Variants in ZFHX3 observed in about 807,000 individuals in gnomAD.
ZFHX3 encodes zinc finger homeobox protein 3.
In ZFHX3, 42 loss-of-function variants were observed where a neutral mutation model predicts 279.1. The observed-to-expected ratio is 0.15, with a 90% CI of 0.12 to 0.19. The LOEUF (loss-of-function observed/expected upper bound fraction) is 0.19. Among genes scored for constraint, ZFHX3 ranks in the 10% least tolerant of loss-of-function variants. The pLI, the probability that ZFHX3 is intolerant of heterozygous loss-of-function variation, is 1.00. For synonymous variants in ZFHX3, 2,293 were observed against 1,957.8 expected (o/e 1.17, Z -4.52); for missense variants, 4,981 against 4,754.0 (o/e 1.05, Z -1.40).
At chr16:73,230,527 A>T (rs1419046669) in intron 5 of ZFHX3, among the ~76,000 whole-genome samples, 1 of 152,190 alleles carries the variant, frequency 6.6e-6, no homozygotes, top group East Asian at 1.9e-4. Context: ...TTAGAACACC[A>T]TGCAAATGGA....
chr16:73,883,808 T>C (rs2030257769), intron 1 of ZFHX3, among the ~76,000 whole-genome samples: 1 of 152,008 alleles, frequency 6.6e-6, no homozygotes, highest in African/African-American at 2.4e-5. Context: ...GATGAGGTGG[T>C]CAAGTCAAGG....
intron 6 of ZFHX3, chr16:73,134,626 C>G (rs1010055157): frequency 2.0e-5 from 3 of 151,980 alleles, no homozygotes; most frequent in Admixed American, 1.3e-4. Flanking sequence ...TGCCCCACTG[C>G]ACCTGGCTCC....
intron 2 of ZFHX3, among the ~76,000 whole-genome samples, chr16:72,952,046 C>G (rs180929031): frequency 4.0e-4 from 61 of 152,276 alleles, no homozygotes; most frequent in African/African-American, 1.4e-3. Flanking sequence ...AGCTTAGGAG[C>G]TCAAGACCAG....
rs138131929 is a variant in ZFHX3 at position 72,957,986 on chromosome 16, C to T, written c.2160G>A (p.Thr720=). 488 of 1,614,030 alleles carry T rather than the reference C, an allele frequency of 3.0e-4. 2 individuals are homozygous for T. The highest frequency in any genetic ancestry group is 5.8e-4 in the Admixed American group (35 of 60,018). The change falls in exon 2 of 10, where the codon ACG becomes ACA. Residue 720 remains threonine, a synonymous_variant. Coordinates refer to ENST00000268489, the MANE Select transcript of ZFHX3 (RefSeq NM_006885.4). The stretch of plus-strand genomic sequence containing the variant: ...CGCAGCGGAAAGGCTTGTAACCACA[C>T]GTGTAGCTCTCGCCTCGTGCCAGCC... ...HPRLARGESY[T]CGYKPFRCEV...
chr16:73,465,329 G>GTAT (rs2143589568), intron 2 of ZFHX3, among the ~76,000 whole-genome samples: 1 of 152,354 alleles, frequency 6.6e-6, no homozygotes, highest in African/African-American at 2.4e-5. Flanking sequence ...TTCAGGGCGT[G>GTAT]TATTTTCCTT....
chr16:73,492,407 T>C (rs2019069794), intron 2 of ZFHX3, among the ~76,000 whole-genome samples: 2 of 152,192 alleles, frequency 1.3e-5, no homozygotes, highest in South Asian at 4.1e-4. Flanking sequence ...ATAATAATAA[T>C]GGTTTACTGC....
At chr16:73,539,244 C>T (rs2019966180) in intron 2 of ZFHX3, among the ~76,000 whole-genome samples, 1 of 151,690 alleles carries the variant, frequency 6.6e-6, no homozygotes, top group African/African-American at 2.4e-5. Flanking sequence ...CATAGTACAC[C>T]TATCCCTGCA....
chr16:73,760,878 G>A (rs931142467), intron 1 of ZFHX3, among the ~76,000 whole-genome samples: 2 of 151,892 alleles, frequency 1.3e-5, no homozygotes, highest in Non-Finnish European at 2.9e-5. Context: ...CATACTAAAT[G>A]GGCAAAAGCT....
intron 8 of ZFHX3, among the ~76,000 whole-genome samples, chr16:73,065,566 GGTGTGTGTGTGTGTGTGT>G (rs10540025): frequency 0.027 from 3,922 of 144,676 alleles, 52 homozygotes; most frequent in South Asian, 0.041. Flanking sequence ...AGCTTTTCCT[GGTGTGTGTGTGTGTGTGT>G]GTGTGTGTGT....
chr16:73,733,112 A>T (rs376487491), intron 1 of ZFHX3, among the ~76,000 whole-genome samples: 1 of 143,370 alleles, frequency 7.0e-6, no homozygotes, highest in African/African-American at 2.5e-5. Flanking sequence ...AATAAAATTT[A>T]AGTTCTGAAT....
At chr16:73,166,607 G>A (rs933924248) in intron 5 of ZFHX3, among the ~76,000 whole-genome samples, 3 of 152,150 alleles carry the variant, frequency 2.0e-5, no homozygotes, top group Non-Finnish European at 4.4e-5. Flanking sequence ...GGGGTCTGCT[G>A]CATGGTTACC....
At chr16:73,618,472 C>T (rs143773799) in intron 2 of ZFHX3, among the ~76,000 whole-genome samples, 24 of 152,254 alleles carry the variant, frequency 1.6e-4, no homozygotes, top group Admixed American at 1.5e-3. Flanking sequence ...GACACTGAAG[C>T]TTAGAAAATT....
intron 4 of ZFHX3, among the ~76,000 whole-genome samples, chr16:73,280,958 C>T (rs1190172345): frequency 3.5e-5 from 5 of 143,050 alleles, no homozygotes; most frequent in Non-Finnish European, 6.0e-5. Flanking sequence ...GCACTCCAGC[C>T]TGGGCAACAA....
chr16:73,792,004 T>C (rs1419464236), intron 1 of ZFHX3, among the ~76,000 whole-genome samples: 4 of 152,160 alleles, frequency 2.6e-5, no homozygotes. Flanking sequence ...TGGTGATAAA[T>C]CAATGGCAGA....
chr16:73,265,403 A>G (rs1021255339), intron 4 of ZFHX3, among the ~76,000 whole-genome samples: 1 of 152,126 alleles, frequency 6.6e-6, no homozygotes, highest in Non-Finnish European at 1.5e-5. Context: ...GCTAGTTTCT[A>G]TGCTGCCTAA....
chr16:73,002,948 G>A (rs886583395), intron 1 of ZFHX3, among the ~76,000 whole-genome samples: 1 of 152,150 alleles, frequency 6.6e-6, no homozygotes, highest in Non-Finnish European at 1.5e-5. Context: ...GCTGGAAATA[G>A]CCATCAGTCA....
At chr16:73,117,475 A>G (rs1966445909) in intron 7 of ZFHX3, among the ~76,000 whole-genome samples, 1 of 152,242 alleles carries the variant, frequency 6.6e-6, no homozygotes, top group Admixed American at 6.5e-5. Context: ...TTCCAGGTTG[A>G]AAACACATGA....
intron 2 of ZFHX3, among the ~76,000 whole-genome samples, chr16:73,472,449 T>G (rs1386031718): frequency 6.6e-6 from 1 of 152,194 alleles, no homozygotes; most frequent in Non-Finnish European, 1.5e-5. Context: ...TCAAGTTCAC[T>G]GCCAAAAAGC....
At chr16:73,200,867 G>A (rs772292370) in intron 5 of ZFHX3, among the ~76,000 whole-genome samples, 3 of 152,044 alleles carry the variant, frequency 2.0e-5, no homozygotes, top group East Asian at 3.8e-4. Flanking sequence ...TACCTGTTAC[G>A]CTCATGATTA....
Sources: gnomAD v4.1 joint callset for allele counts (sites outside exome capture counted in the v4.1 genomes callset) on GRCh38, gnomAD v4.1.1 for gene constraint, MANE v1.5 for transcripts, NCBI Gene and HGNC (gene_info 2026-07-23, HGNC 2026-07-21) for gene names.